NRXN3: variants seen among roughly 807,000 people sequenced by gnomAD.
NRXN3 encodes the protein neurexin III.
A neutral mutation model predicts 137.6 loss-of-function variants in NRXN3; 32 were observed. The ratio of observed to expected loss-of-function variants is 0.23; its 90% CI spans 0.18 to 0.31. The LOEUF (loss-of-function observed/expected upper bound fraction) is 0.31, where lower values mean the gene tolerates loss of function less well. NRXN3 is among the 10% of genes least tolerant of loss of function. The pLI is 1.00. For synonymous variants in NRXN3, 798 were observed against 784.5 expected, an observed-to-expected ratio of 1.02 and a Z score of -0.29; for missense variants, 1,574 against 2,062.5, an observed-to-expected ratio of 0.76 and a Z score of 4.59.
chr14:79,594,142 G>T (rs986471390), intron 16 of NRXN3, among the ~76,000 whole-genome samples: 29 of 152,268 alleles, frequency 1.9e-4, no homozygotes, highest in Middle Eastern at 3.4e-3. Context: ...ATTCGTACCA[G>T]TTTTGTTGAA....
At chr14:79,628,199 C>G (rs2098302851) in intron 16 of NRXN3, among the ~76,000 whole-genome samples, 1 of 152,108 alleles carries the variant, frequency 6.6e-6, no homozygotes, top group African/African-American at 2.4e-5. Flanking sequence ...TTTATATGAT[C>G]AATTCAAATT....
At chr14:79,231,658 T>C (rs1568701229) in intron 15 of NRXN3, among the ~76,000 whole-genome samples, 1 of 152,168 alleles carries the variant, frequency 6.6e-6, no homozygotes, top group Non-Finnish European at 1.5e-5. Flanking sequence ...AATGATTAAA[T>C]AGTCAATATG....
At chr14:79,489,072 C>T (rs8021408) in intron 16 of NRXN3, among the ~76,000 whole-genome samples, 38,622 of 152,000 alleles carry the variant, frequency 0.25, 5,313 homozygotes, top group Non-Finnish European at 0.3. Context: ...TCATGTTTGG[C>T]ACATAGTAGC....
chr14:79,533,026 G>T (rs1601737289), intron 16 of NRXN3, among the ~76,000 whole-genome samples: 1 of 151,976 alleles, frequency 6.6e-6, no homozygotes, highest in Non-Finnish European at 1.5e-5. Context: ...GAAGTATGGG[G>T]TATTTCAATT....
At chr14:79,233,103 C>G (rs74067918) in intron 15 of NRXN3, among the ~76,000 whole-genome samples, 1 of 152,136 alleles carries the variant, frequency 6.6e-6, no homozygotes, top group Admixed American at 6.6e-5. Context: ...CACATAAATT[C>G]TGTTACATTT....
Position 78,439,683 on chromosome 14 carries a change from G to A in NRXN3, c.757+141823G>A, listed in dbSNP as rs372217210. Among the ~76,000 whole-genome samples the A allele has an allele frequency of 1.4e-4, 21 of 152,174 alleles. No individual in the cohort carries two copies. In the South Asian group the frequency reaches 4.4e-3, roughly 32 times the overall value. ...TTAAAACTTTATCCCTATTTTACAG[G>A]TGTGGAAACCAAGGCAGAATTTTTA... On this transcript the variant is annotated intron_variant, in intron 4 of 20. Coordinates refer to ENST00000335750, the MANE Select transcript of NRXN3 (RefSeq NM_001330195.2).
chr14:79,437,282 G>A (rs2095860050), intron 15 of NRXN3, among the ~76,000 whole-genome samples: 1 of 151,984 alleles, frequency 6.6e-6, no homozygotes, highest in Non-Finnish European at 1.5e-5. Flanking sequence ...GATAAATAGT[G>A]ACACTTCAAG....
intron 15 of NRXN3, among the ~76,000 whole-genome samples, chr14:79,139,110 G>T (rs1333871474): frequency 6.6e-6 from 1 of 152,196 alleles, no homozygotes; most frequent in Admixed American, 6.5e-5. Flanking sequence ...TTGTGCCTTT[G>T]AATGAGTAAT....
At chr14:78,985,637 C>T (rs939361784) in intron 14 of NRXN3, among the ~76,000 whole-genome samples, 3 of 152,104 alleles carry the variant, frequency 2.0e-5, no homozygotes, top group African/African-American at 7.2e-5. Flanking sequence ...TTGTGTTTTC[C>T]CAGAGTTTTT....
chr14:78,285,170 T>TG (rs2075002522), intron 3 of NRXN3, among the ~76,000 whole-genome samples: 1 of 152,206 alleles, frequency 6.6e-6, no homozygotes, highest in South Asian at 2.1e-4. Flanking sequence ...CTGACTGAGA[T>TG]ACCTTGGGGA....
rs1214238391 is a variant in NRXN3, at chr14:78,370,933, T to C, written c.757+73073T>C. 2.0e-5 allele frequency among the ~76,000 whole-genome samples: 3 copies of C among 152,326 alleles called. No individual in the cohort carries two copies. The East Asian group carries it at 5.8e-4, about 29-fold the overall frequency. ...AATTCATCAAACTACAGAGTACCTGTGTGATACTAGTGTGAATACAAAAAA... is the reference window on the plus strand; with the variant it reads ...AATTCATCAAACTACAGAGTACCTGCGTGATACTAGTGTGAATACAAAAAA... On this transcript the variant is annotated intron_variant, in intron 4 of 20. Transcript: ENST00000335750.
At chr14:79,089,353 G>A (rs1004962872) in intron 15 of NRXN3, among the ~76,000 whole-genome samples, 6 of 152,132 alleles carry the variant, frequency 3.9e-5, no homozygotes, top group African/African-American at 1.4e-4. Flanking sequence ...GCTTTGGTAA[G>A]AAGGTTGTTT....
At chr14:78,196,612 G>A (rs2061253825) in intron 1 of NRXN3, among the ~76,000 whole-genome samples, 1 of 152,194 alleles carries the variant, frequency 6.6e-6, no homozygotes, top group African/African-American at 2.4e-5. Flanking sequence ...TCTCTATTGA[G>A]CTTCTCTGCA....
chr14:78,638,551 T>C (rs1351579599), intron 4 of NRXN3, among the ~76,000 whole-genome samples: 1 of 152,180 alleles, frequency 6.6e-6, no homozygotes, highest in East Asian at 1.9e-4. Context: ...GCAGGAAATG[T>C]CATTAAGTGT....
intron 15 of NRXN3, among the ~76,000 whole-genome samples, chr14:79,319,772 A>G (rs1211926308): frequency 6.6e-6 from 1 of 152,128 alleles, no homozygotes; most frequent in East Asian, 1.9e-4. Context: ...TAAAGATCTC[A>G]TTGCAGTTGA....
At chr14:78,295,515 T>C (rs772926731) in intron 3 of NRXN3, among the ~76,000 whole-genome samples, 3 of 152,246 alleles carry the variant, frequency 2.0e-5, no homozygotes, top group Non-Finnish European at 4.4e-5. Flanking sequence ...TGCAGGGTTC[T>C]ATTAAATATC....
In NRXN3 at chr14:79,861,939, A is replaced by G. The variant is rs2099414503; in HGVS notation, c.4691A>G (p.Asn1564Ser). 6.2e-7 allele frequency: 1 copy of G among 1,613,546 alleles called. No homozygotes were observed. Among genetic ancestry groups the G allele is most frequent in the East Asian group, 2.2e-5 (1 of 44,872 alleles). The part of the protein sequence containing the change: ...SSKSGHKKQK[N>S]KDREYYV ...AAGAGCGGCCACAAGAAACAGAAAA[A>G]CAAGGACAGGGAGTATTACGTGTAA... Residue 1564 changes from asparagine to serine, a missense_variant, in exon 21 of 21, where the codon AAC (asparagine) becomes AGC (serine). Physicochemically the swap from Asn to Ser is conservative, Grantham distance 46. Around this residue, in one of 5 missense-constraint regions of NRXN3, gnomAD observed 320 missense variants for 387.1 expected, o/e 0.83. Coordinates refer to ENST00000335750, the MANE Select transcript of NRXN3 (RefSeq NM_001330195.2). The surrounding 1 kb of genome is among the most constrained non-coding windows in gnomAD (Gnocchi z 5.4).
chr14:79,612,552 T>G (rs2098115775), intron 16 of NRXN3, among the ~76,000 whole-genome samples: 1 of 152,202 alleles, frequency 6.6e-6, no homozygotes, highest in African/African-American at 2.4e-5. Context: ...CTCTTTTTCT[T>G]ATTAACAAAT....
chr14:79,599,868 G>A (rs1465372980), intron 16 of NRXN3, among the ~76,000 whole-genome samples: 1 of 152,164 alleles, frequency 6.6e-6, no homozygotes. Flanking sequence ...GGTGGTACAC[G>A]CCTGTAATCC....
Sources: allele counts gnomAD v4.1 joint callset (sites outside exome capture counted in the v4.1 genomes callset), GRCh38; gene constraint gnomAD v4.1.1; regional missense constraint gnomAD v4.1.1; non-coding constraint Gnocchi (gnomAD v3.1); transcripts MANE v1.5; gene names NCBI Gene and HGNC (gene_info 2026-07-23, HGNC 2026-07-21).